KDM4B: variants seen among roughly 807,000 people sequenced by gnomAD.
KDM4B encodes lysine-specific demethylase 4B.
A neutral mutation model predicts 125.2 loss-of-function variants in KDM4B; 32 were observed. The observed-to-expected ratio is 0.26, with a 90% CI of 0.19 to 0.34. KDM4B has a LOEUF of 0.34. Ranked by LOEUF, KDM4B falls within the 10% of genes least tolerant of loss-of-function variation. KDM4B has a pLI of 1.00. For missense variants in KDM4B, 1,190 were observed against 1,577.7 expected (o/e 0.75, Z 4.16); for synonymous variants, 721 against 677.9 (o/e 1.06, Z -0.99).
intron 9 of KDM4B, among the ~76,000 whole-genome samples, chr19:5,103,481 ACG>A (rs2038977101): frequency 6.6e-6 from 1 of 152,182 alleles, no homozygotes; most frequent in African/African-American, 2.4e-5. Flanking sequence ...GGGCTGTCGG[ACG>A]CGTCAGTCTT....
intron 1 of KDM4B, among the ~76,000 whole-genome samples, chr19:4,993,449 C>T (rs1460609839): frequency 2.6e-5 from 4 of 151,952 alleles, no homozygotes; most frequent in Non-Finnish European, 5.9e-5. Flanking sequence ...TTGACATCTC[C>T]AGCTATTGTT....
At chr19:4,991,215 C>A (rs113914994) in intron 1 of KDM4B, among the ~76,000 whole-genome samples, 3 of 152,224 alleles carry the variant, frequency 2.0e-5, no homozygotes, top group African/African-American at 7.2e-5. Context: ...CCCCCCAGGC[C>A]CCTCACCCAG....
chr19:5,013,980 G>A lies in KDM4B; in HGVS notation c.-108-2277G>A, dbSNP rs566796326. On this transcript the variant is annotated intron_variant, in intron 1 of 22. Coordinates refer to ENST00000159111, the MANE Select transcript of KDM4B (RefSeq NM_015015.3). ...TGGCACAGGGGAAGAGGCGCAGCCC[G>A]TGGCCCGGCAGTCCAGGACCTGCTG... Among the ~76,000 whole-genome samples the A allele has an allele frequency of 2.5e-3, 381 of 152,362 alleles. 1 individual carries two copies. Among genetic ancestry groups the A allele is most frequent in the African/African-American group, 8.3e-3 (344 of 41,596 alleles).
At chr19:5,047,447 G>C (rs750174701) in intron 5 of KDM4B, 29 bp from the exon 6 acceptor site, 1 of 1,574,968 alleles carries the variant, frequency 6.3e-7, no homozygotes, top group South Asian at 1.2e-5. Flanking sequence ...TGGCCGGGCG[G>C]TTGCCGACGC....
intron 9 of KDM4B, among the ~76,000 whole-genome samples, chr19:5,096,846 G>T (rs903068535): frequency 6.6e-6 from 1 of 152,134 alleles, no homozygotes; most frequent in South Asian, 2.1e-4. Context: ...TTGCCGTGGC[G>T]CCTGCCTGGT....
Position 5,035,058 on chromosome 19 carries a change from G to A in KDM4B, c.141+2027G>A, listed in dbSNP as rs749264245. ...ATCTGTGTCCGGGTCAGAACGGTGGGGGCTGCTGCCGTCCCGGCTTCAGTT... is the reference window on the plus strand; with the variant it reads ...ATCTGTGTCCGGGTCAGAACGGTGGAGGCTGCTGCCGTCCCGGCTTCAGTT... On this transcript the variant is annotated intron_variant, in intron 3 of 22. Transcript: ENST00000159111. The surrounding 1 kb of genome is among the most constrained non-coding windows in gnomAD (Gnocchi z 5.3). Among the ~76,000 whole-genome samples, 1 of 152,154 alleles carries A rather than the reference G, an allele frequency of 6.6e-6. No homozygotes were observed. Among genetic ancestry groups the A allele is most frequent in the Non-Finnish European group, 1.5e-5 (1 of 68,024 alleles).
At chr19:5,020,393 C>T (rs1213079002) in intron 2 of KDM4B, among the ~76,000 whole-genome samples, 1 of 151,972 alleles carries the variant, frequency 6.6e-6, no homozygotes, top group Non-Finnish European at 1.5e-5. Context: ...TTCCCTTGGG[C>T]CGACACATGG....
chr19:5,138,517 G>C, intron 18 of KDM4B: 1 of 171,050 alleles, frequency 5.8e-6, no homozygotes, highest in Non-Finnish European at 1.3e-5. Context: ...CTAGCTGGGC[G>C]TGGTGGCACA....
intron 1 of KDM4B, among the ~76,000 whole-genome samples, chr19:5,004,465 A>G (rs2035493930): frequency 6.6e-6 from 1 of 152,108 alleles, no homozygotes; most frequent in Non-Finnish European, 1.5e-5. Context: ...CGATCCAGAG[A>G]CGGATCGTCA....
intron 9 of KDM4B, among the ~76,000 whole-genome samples, chr19:5,106,871 G>A (rs1198406690): frequency 6.6e-6 from 1 of 152,204 alleles, no homozygotes; most frequent in African/African-American, 2.4e-5. Flanking sequence ...TTAGGACTGG[G>A]GAGAACGGTG....
intron 6 of KDM4B, among the ~76,000 whole-genome samples, chr19:5,062,726 C>A (rs1010040931): frequency 3.3e-5 from 4 of 121,036 alleles, no homozygotes; most frequent in Admixed American, 3.3e-4. Flanking sequence ...TTACCAGTTT[C>A]TTTGTTTGCT....
chr19:4,994,487 C>A (rs142129780), intron 1 of KDM4B, among the ~76,000 whole-genome samples: 1 of 141,572 alleles, frequency 7.1e-6, no homozygotes, highest in South Asian at 2.2e-4. Context: ...CGCTTGAACC[C>A]GGGAGGTGGA....
At chr19:5,028,465 T>G (rs1288421025) in intron 2 of KDM4B, among the ~76,000 whole-genome samples, 7 of 152,240 alleles carry the variant, frequency 4.6e-5, no homozygotes, top group Non-Finnish European at 8.8e-5. Flanking sequence ...CATGTTGTGT[T>G]GATTCATTCT....
chr19:5,035,880 T>TGTGTGTGTGCGCGC lies in KDM4B; in HGVS notation c.141+2850_141+2851insTGTGTGTGCGCGCG, dbSNP rs58219404. Reference sequence around the variant, plus strand: ...ACGTGTCTCTGTGTGTGTGTGTGTGTGCGCGCGCGCGCGCGCCTGCGCGCA... The same window carrying TGTGTGTGTGCGCGC: ...ACGTGTCTCTGTGTGTGTGTGTGTGTGTGTGTGTGCGCGCGCGCGCGCGCGCGCGCCTGCGCGCA... On this transcript the variant is annotated intron_variant, in intron 3 of 22. Transcript: ENST00000159111. This position sits in a 1 kb window ranked among gnomAD's most constrained non-coding sequence, Gnocchi z 5.3. 0.013 allele frequency among the ~76,000 whole-genome samples: 1,770 copies of TGTGTGTGTGCGCGC among 136,370 alleles called. 25 individuals carry two copies. Among genetic ancestry groups the TGTGTGTGTGCGCGC allele is most frequent in the Middle Eastern group, 0.06 (16 of 266 alleles). 89.5% of individuals were successfully genotyped at this position (136,370 alleles called of 152,430 possible). A position where few individuals can be genotyped will look rare whatever the true frequency, so the allele number is the denominator to read the frequency against.
intron 11 of KDM4B, among the ~76,000 whole-genome samples, chr19:5,129,301 A>AT (rs1044625866): frequency 2.0e-5 from 3 of 151,536 alleles, no homozygotes; most frequent in African/African-American, 7.3e-5. Context: ...CTGTTGGGGG[A>AT]GGGTCCTCAC....
At chr19:5,027,246 C>T (rs1480652118) in intron 2 of KDM4B, among the ~76,000 whole-genome samples, 1 of 152,244 alleles carries the variant, frequency 6.6e-6, no homozygotes, top group Non-Finnish European at 1.5e-5. Flanking sequence ...TAAACATGCA[C>T]AGCAGGCACT....
intron 11 of KDM4B, among the ~76,000 whole-genome samples, chr19:5,123,891 G>T (rs1443177583): frequency 6.6e-6 from 1 of 151,788 alleles, no homozygotes; most frequent in East Asian, 1.9e-4. Flanking sequence ...CGCAGTTCAG[G>T]TTCTATTCCA....
At chr19:5,109,480 G>A (rs1342136711) in intron 9 of KDM4B, among the ~76,000 whole-genome samples, 1 of 152,180 alleles carries the variant, frequency 6.6e-6, no homozygotes, top group African/African-American at 2.4e-5. Flanking sequence ...GGGAAGGGCT[G>A]AGGGCGTGAG....
intron 2 of KDM4B, among the ~76,000 whole-genome samples, chr19:5,028,009 C>T (rs555595049): frequency 3.9e-5 from 6 of 152,282 alleles, no homozygotes; most frequent in African/African-American, 1.4e-4. Context: ...GGGTCTTGCT[C>T]TGTTGCCCAG....
Sources: allele counts gnomAD v4.1 joint callset (sites outside exome capture counted in the v4.1 genomes callset), GRCh38; gene constraint gnomAD v4.1.1; non-coding constraint Gnocchi (gnomAD v3.1); transcripts MANE v1.5; gene names NCBI Gene and HGNC (gene_info 2026-07-23, HGNC 2026-07-21).